RBMS2: variants seen among roughly 807,000 people sequenced by gnomAD.
The protein encoded by RBMS2 is RNA binding motif single stranded interacting protein 2.
A neutral mutation model predicts 58.4 loss-of-function variants in RBMS2; 38 were observed. The observed-to-expected ratio is 0.65, with a 90% CI of 0.50 to 0.85. The LOEUF (loss-of-function observed/expected upper bound fraction) is 0.85. Ranked by LOEUF, RBMS2 falls within the 40% of genes least tolerant of loss-of-function variation. RBMS2 has a pLI of 0.00. For missense variants in RBMS2, 367 were observed against 503.7 expected (o/e 0.73, Z 2.60); for synonymous variants, 151 against 180.7 (o/e 0.84, Z 1.32).
At chr12:56,531,147 G>A (rs951921126) in intron 1 of RBMS2, among the ~76,000 whole-genome samples, 1 of 151,956 alleles carries the variant, frequency 6.6e-6, no homozygotes, top group Non-Finnish European at 1.5e-5. Flanking sequence ...GCATTGTATT[G>A]GAATCATTTA....
Position 56,577,360 on chromosome 12 carries a change from G to A in RBMS2, c.543-3824G>A, listed in dbSNP as rs182954673. 6.7e-3 allele frequency among the ~76,000 whole-genome samples: 1,006 copies of A among 151,090 alleles called. 44 individuals are homozygous for A. The highest frequency in any genetic ancestry group is 0.061 in the Admixed American group (929 of 15,140). On this transcript the variant is annotated intron_variant, in intron 5 of 13. Coordinates refer to ENST00000262031, the MANE Select transcript of RBMS2 (RefSeq NM_002898.4). ...CAGGAGGCAGAAGTTGCAGTGAGCC[G>A]AGATCACACCACTGCACTCCAGCCT...
rs1279631934 is a variant in RBMS2, at chr12:56,564,120, G to T, written c.233+1537G>T. On this transcript the variant is annotated intron_variant, in intron 2 of 13. Transcript: ENST00000262031. ...ACGCCACCACATCGGGCTAATTTTTGTTTTTTTTTTTGCTAGAGATGGGGT... is the reference window on the plus strand; with the variant it reads ...ACGCCACCACATCGGGCTAATTTTTTTTTTTTTTTTTGCTAGAGATGGGGT... 1.4e-3 allele frequency among the ~76,000 whole-genome samples: 203 copies of T among 143,766 alleles called. 1 individual carries two copies. The highest frequency in any genetic ancestry group is 4.7e-3 in the African/African-American group (187 of 39,416). The allele number at this position is 143,766 out of a possible 152,430, so 94.3% of individuals were successfully genotyped here. A position where few individuals can be genotyped will look rare whatever the true frequency, so the allele number is the denominator to read the frequency against.
chr12:56,575,834 C>T (rs563196393), intron 5 of RBMS2, among the ~76,000 whole-genome samples: 7 of 151,184 alleles, frequency 4.6e-5, no homozygotes, highest in South Asian at 4.2e-4. Flanking sequence ...GCGGAGGTTA[C>T]GGTGAGCTGA....
chr12:56,588,251 C>A, intron 11 of RBMS2, 43 bp from the exon 12 acceptor site: 1 of 1,527,568 alleles, frequency 6.5e-7, no homozygotes, highest in Non-Finnish European at 9.1e-7. Flanking sequence ...TCAAATGTAG[C>A]CAAAAATCAC....
At chr12:56,536,200 CAAAA>C (rs71446560) in intron 1 of RBMS2, among the ~76,000 whole-genome samples, 17 of 76,432 alleles carry the variant, frequency 2.2e-4, no homozygotes, top group African/African-American at 1.0e-3. Flanking sequence ...AACTCTGTCT[CAAAA>C]AAAAAAAAAA....
chr12:56,563,394 C>T (rs1056895882), intron 2 of RBMS2, among the ~76,000 whole-genome samples: 4 of 152,160 alleles, frequency 2.6e-5, no homozygotes, highest in African/African-American at 9.7e-5. Flanking sequence ...CCAATCAAAT[C>T]ATGCACTTTG....
rs1014976913 is a variant in RBMS2, at chr12:56,541,680, G to A, written c.66+19591G>A. Among the ~76,000 whole-genome samples, 4 of 152,306 alleles carry A rather than the reference G, an allele frequency of 2.6e-5. No homozygotes were observed. In the East Asian group the frequency reaches 7.7e-4, roughly 29 times the overall value. On this transcript the variant is annotated intron_variant, in intron 1 of 13. Transcript: ENST00000262031. Reference sequence around the variant, plus strand: ...GACAGATTTATCCACCTAAATACAAGCAGTACTTAAAAACCAAACAAAAAC... The same window carrying A: ...GACAGATTTATCCACCTAAATACAAACAGTACTTAAAAACCAAACAAAAAC...
chr12:56,569,510 G>T (rs1881933104), intron 3 of RBMS2, among the ~76,000 whole-genome samples: 1 of 152,176 alleles, frequency 6.6e-6, no homozygotes, highest in Admixed American at 6.5e-5. Flanking sequence ...GCAGGTGGCT[G>T]GTGGTCTGCT....
intron 9 of RBMS2, among the ~76,000 whole-genome samples, chr12:56,585,325 G>T (rs1479537882): frequency 6.6e-6 from 1 of 152,006 alleles, no homozygotes; most frequent in South Asian, 2.1e-4. Flanking sequence ...CTCACTTTTT[G>T]GATTATTTAA....
At chr12:56,541,679 A>T (rs1314374365) in intron 1 of RBMS2, among the ~76,000 whole-genome samples, 1 of 152,268 alleles carries the variant, frequency 6.6e-6, no homozygotes, top group Non-Finnish European at 1.5e-5. Flanking sequence ...CCTAAATACA[A>T]GCAGTACTTA....
intron 1 of RBMS2, among the ~76,000 whole-genome samples, chr12:56,544,079 C>T (rs901029266): frequency 1.3e-5 from 2 of 151,614 alleles, no homozygotes; most frequent in African/African-American, 4.8e-5. Flanking sequence ...AGTTCGAGAC[C>T]AGCCTGACCA....
At chr12:56,561,761 C>A (rs1007507748) in intron 1 of RBMS2, among the ~76,000 whole-genome samples, 3 of 31,146 alleles carry the variant, frequency 9.6e-5, no homozygotes, top group Non-Finnish European at 4.8e-4. Flanking sequence ...GTGATCCACC[C>A]CCCCCCTCCT....
intron 12 of RBMS2, 67 bp downstream of exon 12, chr12:56,588,441 C>G (rs1454183973): frequency 1.2e-5 from 16 of 1,363,928 alleles, no homozygotes; most frequent in Admixed American, 1.7e-5. Context: ...TCCCCCTGAT[C>G]AAGATCTTTC....
At chr12:56,573,476 CAAAAAAAAAAA>C (rs71081382) in intron 5 of RBMS2, among the ~76,000 whole-genome samples, 1 of 59,682 alleles carries the variant, frequency 1.7e-5, no homozygotes, top group Non-Finnish European at 2.9e-5. Context: ...GACGCCATCT[CAAAAAAAAAAA>C]AAAAAAAAAA....
At chr12:56,581,782 C>T in intron 7 of RBMS2, 51 bp from the exon 8 acceptor site, 3 of 1,600,240 alleles carry the variant, frequency 1.9e-6, no homozygotes, top group Non-Finnish European at 2.6e-6. Flanking sequence ...GGGCCAGCTC[C>T]TATTCTCACT....
intron 5 of RBMS2, among the ~76,000 whole-genome samples, chr12:56,575,681 G>A (rs1433925971): frequency 6.6e-6 from 1 of 152,076 alleles, no homozygotes; most frequent in African/African-American, 2.4e-5. Context: ...GATCACCTGA[G>A]GTCGGGAGTT....
chr12:56,538,419 A>G (rs1406527968), intron 1 of RBMS2, among the ~76,000 whole-genome samples: 1 of 143,522 alleles, frequency 7.0e-6, no homozygotes, highest in Non-Finnish European at 1.5e-5. Context: ...TGGGATTTTG[A>G]TATGGATTAC....
Position 56,583,554 on chromosome 12 carries a change from T to C in RBMS2, c.873+1402T>C, listed in dbSNP as rs576469942. On this transcript the variant is annotated intron_variant, in intron 9 of 13. Transcript: ENST00000262031. Reference sequence around the variant, plus strand: ...CTGTAATCCCAGCTACTTGGGAGGCTGAGGCCAGAGAATTGCTTGAACCCA... The same window carrying C: ...CTGTAATCCCAGCTACTTGGGAGGCCGAGGCCAGAGAATTGCTTGAACCCA... Among the ~76,000 whole-genome samples, 9 of 152,160 alleles carry C rather than the reference T, an allele frequency of 5.9e-5. No homozygotes were observed. The South Asian group carries it at 1.9e-3, about 32-fold the overall frequency.
At chr12:56,547,819 T>G (rs1877535400) in intron 1 of RBMS2, among the ~76,000 whole-genome samples, 1 of 151,676 alleles carries the variant, frequency 6.6e-6, no homozygotes, top group African/African-American at 2.4e-5. Flanking sequence ...TGGCTAATTT[T>G]TTTTGTATTT....
Sources: gnomAD v4.1 joint callset for allele counts (sites outside exome capture counted in the v4.1 genomes callset) on GRCh38, gnomAD v4.1.1 for gene constraint, MANE v1.5 for transcripts, NCBI Gene and HGNC (gene_info 2026-07-23, HGNC 2026-07-21) for gene names.